The following ADAM23 variants were observed in gnomAD, a reference collection of about 807,000 sequenced individuals.
ADAM23 encodes disintegrin and metalloproteinase domain-containing protein 23.
ADAM23 carries 33 observed loss-of-function variants against 120.1 expected under a neutral mutation model. The ratio of observed to expected loss-of-function variants is 0.27; its 90% CI spans 0.21 to 0.37. ADAM23 has a LOEUF of 0.37. Among genes scored for constraint, ADAM23 ranks in the 10% least tolerant of loss-of-function variants. ADAM23 has a pLI of 1.00. For synonymous variants in ADAM23, 367 were observed against 375.2 expected (o/e 0.98, Z 0.25); for missense variants, 862 against 1,058.2 (o/e 0.81, Z 2.57).
rs192825407 is a variant in ADAM23 at position 206,537,543 on chromosome 2, C to T, written c.574-4509C>T. 2.9e-3 allele frequency among the ~76,000 whole-genome samples: 438 copies of T among 152,218 alleles called. 2 individuals carry two copies. Among genetic ancestry groups the T allele is most frequent in the African/African-American group, 9.8e-3 (407 of 41,530 alleles). On this transcript the variant is annotated intron_variant, in intron 4 of 25. Coordinates refer to ENST00000264377, the MANE Select transcript of ADAM23 (RefSeq NM_003812.4). ...TTCCCTTTTCTGAGTGTTTCCCCAC[C>T]TCTTTCTGCTTCCTTTCCTTTATTT... is the stretch of plus-strand genomic sequence containing the variant.
At chr2:206,477,891 A>ATATATATAT (rs1229595648) in intron 2 of ADAM23, among the ~76,000 whole-genome samples, 39 of 94,388 alleles carry the variant, frequency 4.1e-4, no homozygotes, top group African/African-American at 5.5e-4. Context: ...AAAAAAAAAA[A>ATATATATAT]AAAAAAATAT....
intron 9 of ADAM23, among the ~76,000 whole-genome samples, chr2:206,554,165 C>T (rs1274191287): frequency 2.6e-5 from 4 of 152,042 alleles, no homozygotes; most frequent in South Asian, 4.1e-4. Flanking sequence ...AGTGATTTAA[C>T]GTTGGCTGCC....
At chr2:206,462,805 G>T (rs1695453070) in intron 2 of ADAM23, among the ~76,000 whole-genome samples, 1 of 152,104 alleles carries the variant, frequency 6.6e-6, no homozygotes, top group Non-Finnish European at 1.5e-5. Context: ...TTAAGAAGGG[G>T]CCAGAGGAGG....
chr2:206,537,977 C>T (rs1371007989), intron 4 of ADAM23, among the ~76,000 whole-genome samples: 1 of 152,058 alleles, frequency 6.6e-6, no homozygotes, highest in African/African-American at 2.4e-5. Context: ...ACCTTCCTGG[C>T]AACATTCGGA....
At chr2:206,469,770 C>T (rs1695616610) in intron 2 of ADAM23, among the ~76,000 whole-genome samples, 1 of 152,160 alleles carries the variant, frequency 6.6e-6, no homozygotes, top group Admixed American at 6.5e-5. Context: ...CCACACTGGC[C>T]TTTTTATTGC....
rs112460864 is a variant in ADAM23 at position 206,506,988 on chromosome 2, T to C, written c.510-23897T>C. 2.2e-4 allele frequency among the ~76,000 whole-genome samples: 33 copies of C among 152,304 alleles called. 1 individual carries two copies. The highest frequency in any genetic ancestry group is 7.0e-4 in the African/African-American group (29 of 41,564). ...CATTTTTAAAAATGGAAAAAGGTGC[T>C]CAGAGGATCTGAAAAATGTTGGATT... On this transcript the variant is annotated intron_variant, in intron 3 of 25. Transcript: ENST00000264377.
intron 25 of ADAM23, among the ~76,000 whole-genome samples, chr2:206,612,424 T>A (rs1283059300): frequency 6.6e-6 from 1 of 152,194 alleles, no homozygotes; most frequent in Non-Finnish European, 1.5e-5. Context: ...AATCAGAAGT[T>A]GAAAATAGTT....
chr2:206,496,473 A>G (rs1696250677), intron 3 of ADAM23, among the ~76,000 whole-genome samples: 1 of 152,310 alleles, frequency 6.6e-6, no homozygotes, highest in East Asian at 1.9e-4. Flanking sequence ...GACACAAAAA[A>G]CCAGAATCTC....
chr2:206,518,654 A>G (rs1696781718), intron 3 of ADAM23, among the ~76,000 whole-genome samples: 1 of 152,180 alleles, frequency 6.6e-6, no homozygotes, highest in African/African-American at 2.4e-5. Context: ...ATTAGCTCTC[A>G]GATGAATTTC....
Position 206,559,949 on chromosome 2 carries a change from C to T in ADAM23, c.1006-6C>T, listed in dbSNP as rs747936522. 3.1e-6 allele frequency: 5 copies of T among 1,610,854 alleles called. No homozygotes were observed. Among genetic ancestry groups the T allele is most frequent in the Non-Finnish European group, 3.4e-6 (4 of 1,178,532 alleles). ...CTCCTGCACCTGTCCTGTTGTATAC[C>T]CTCAGATTTACAAGGAGCAGCTCAA... On this transcript the variant is annotated splice_region_variant and splice_polypyrimidine_tract_variant and intron_variant, in intron 10 of 25. Coordinates refer to ENST00000264377, the MANE Select transcript of ADAM23 (RefSeq NM_003812.4).
At chr2:206,536,584 T>G (rs1338346346) in intron 4 of ADAM23, among the ~76,000 whole-genome samples, 1 of 152,126 alleles carries the variant, frequency 6.6e-6, no homozygotes, top group Non-Finnish European at 1.5e-5. Context: ...GAGTAGATTT[T>G]AGGTGGTCAC....
chr2:206,500,656 G>T (rs1385732051), intron 3 of ADAM23, among the ~76,000 whole-genome samples: 1 of 152,056 alleles, frequency 6.6e-6, no homozygotes, highest in African/African-American at 2.4e-5. Context: ...TCTGCCCTTG[G>T]CATCAAGGGA....
chr2:206,554,672 AACCT>A (rs1697604815), intron 9 of ADAM23, among the ~76,000 whole-genome samples: 2 of 152,136 alleles, frequency 1.3e-5, no homozygotes, highest in African/African-American at 2.4e-5. Flanking sequence ...CTCCTCCCTC[AACCT>A]AGAGACTAGA....
At chr2:206,569,259 A>G (rs1414351106) in intron 15 of ADAM23, among the ~76,000 whole-genome samples, 2 of 152,368 alleles carry the variant, frequency 1.3e-5, no homozygotes, top group South Asian at 2.1e-4. Context: ...GAAATTGTCT[A>G]TGAGTTAGGA....
chr2:206,489,662 T>C (rs923180806), intron 3 of ADAM23, among the ~76,000 whole-genome samples: 4 of 152,168 alleles, frequency 2.6e-5, no homozygotes, highest in African/African-American at 9.7e-5. Flanking sequence ...AAGATGTGAT[T>C]ATCCCCATTT....
intron 25 of ADAM23, among the ~76,000 whole-genome samples, chr2:206,611,632 G>A (rs1176665574): frequency 2.0e-5 from 3 of 152,118 alleles, no homozygotes; most frequent in Non-Finnish European, 2.9e-5. Context: ...TCTATTACAC[G>A]TCTTTGCCGT....
intron 18 of ADAM23, among the ~76,000 whole-genome samples, chr2:206,585,718 A>G (rs1698308629): frequency 6.6e-6 from 1 of 152,210 alleles, no homozygotes. Context: ...GGAACAAAAC[A>G]TAGAATCCTG....
intron 2 of ADAM23, among the ~76,000 whole-genome samples, chr2:206,474,746 T>G (rs1290889075): frequency 6.6e-6 from 1 of 152,044 alleles, no homozygotes; most frequent in Non-Finnish European, 1.5e-5. Flanking sequence ...GGCTAATTTT[T>G]GTATTTTTCA....
intron 3 of ADAM23, among the ~76,000 whole-genome samples, chr2:206,500,288 C>T (rs949876483): frequency 1.3e-5 from 2 of 152,096 alleles, no homozygotes; most frequent in African/African-American, 4.8e-5. Flanking sequence ...TCTTTGAAGG[C>T]AACTTCCTGG....
Sources: allele counts gnomAD v4.1 joint callset (sites outside exome capture counted in the v4.1 genomes callset), GRCh38; gene constraint gnomAD v4.1.1; transcripts MANE v1.5; gene names NCBI Gene and HGNC (gene_info 2026-07-23, HGNC 2026-07-21).